Variants in LIN7A observed in about 807,000 individuals in gnomAD.
LIN7A encodes the protein lin-7 cell polarity scaffold A.
Under a neutral mutation model 29.8 loss-of-function variants are expected in LIN7A, and 25 were observed. That is an observed-to-expected ratio of 0.84 (90% CI 0.61 to 1.17). LIN7A has a LOEUF of 1.17. LIN7A is among the 50% of genes most tolerant of loss of function. The pLI, the probability that LIN7A is intolerant of heterozygous loss-of-function variation, is 0.00. For missense variants in LIN7A, 239 were observed against 287.0 expected (o/e 0.83, Z 1.21); for synonymous variants, 118 against 107.5 (o/e 1.10, Z -0.60).
intron 2 of LIN7A, among the ~76,000 whole-genome samples, chr12:80,864,502 TTGTTGGAAAATCC>T (rs1379327185): frequency 1.3e-5 from 2 of 152,172 alleles, no homozygotes; most frequent in Admixed American, 6.5e-5. Flanking sequence ...ATTAGGAACA[TTGTTGGAAAATCC>T]CTGCAAAGAG....
intron 4 of LIN7A, among the ~76,000 whole-genome samples, chr12:80,823,742 A>G (rs1025458273): frequency 2.0e-5 from 3 of 152,266 alleles, no homozygotes; most frequent in African/African-American, 7.2e-5. Flanking sequence ...ATTCTGTGAC[A>G]CATGGAAATT....
chr12:80,923,604 T>C (rs1208726833), intron 1 of LIN7A, among the ~76,000 whole-genome samples: 1 of 152,074 alleles, frequency 6.6e-6, no homozygotes, highest in Non-Finnish European at 1.5e-5. Context: ...GTAAGCATTG[T>C]ACAAAGTTCC....
intron 2 of LIN7A, among the ~76,000 whole-genome samples, chr12:80,866,036 T>A (rs552376507): frequency 1.3e-5 from 2 of 152,160 alleles, no homozygotes; most frequent in Non-Finnish European, 2.9e-5. Context: ...GTGCATGTGT[T>A]GTGTGCAGGT....
intron 1 of LIN7A, among the ~76,000 whole-genome samples, chr12:80,905,388 A>G (rs770845445): frequency 3.3e-5 from 5 of 152,138 alleles, no homozygotes; most frequent in Non-Finnish European, 5.9e-5. Flanking sequence ...GTCAGAGAAA[A>G]TTACCAGTGT....
At chr12:80,927,327 A>G (rs1159620133) in intron 1 of LIN7A, among the ~76,000 whole-genome samples, 1 of 151,710 alleles carries the variant, frequency 6.6e-6, no homozygotes, top group Non-Finnish European at 1.5e-5. Flanking sequence ...GCGCCCAGCT[A>G]ATTTTTTGTA....
At chr12:80,880,259 C>T (rs1180175057) in intron 2 of LIN7A, among the ~76,000 whole-genome samples, 1 of 152,142 alleles carries the variant, frequency 6.6e-6, no homozygotes, top group Non-Finnish European at 1.5e-5. Flanking sequence ...AGACTAGCCT[C>T]ATTTTTTTTT....
At chr12:80,871,464 T>C (rs893235153) in intron 2 of LIN7A, among the ~76,000 whole-genome samples, 8 of 152,124 alleles carry the variant, frequency 5.3e-5, no homozygotes, top group Non-Finnish European at 5.9e-5. Context: ...TCCAATTAAA[T>C]AGTTTTATAT....
chr12:80,835,058 C>T (rs1872544374), intron 4 of LIN7A, among the ~76,000 whole-genome samples: 3 of 152,090 alleles, frequency 2.0e-5, no homozygotes, highest in Admixed American at 6.6e-5. Flanking sequence ...ATAAATGATG[C>T]TTTTTTGGAC....
chr12:80,793,177 T>C lies in LIN7A; in HGVS notation c.*4550A>G, dbSNP rs528992035. On this transcript the variant is annotated 3_prime_UTR_variant, in exon 6 of 6. Coordinates refer to ENST00000552864, the MANE Select transcript of LIN7A (RefSeq NM_004664.4). ...GTGACCTTGGACAAGTCACATAATA[T>C]ATCTGTGCTTCAGTTTTTGTATCTA... 5.9e-5 allele frequency: 9 copies of C among 152,284 alleles called. No individual in the cohort carries two copies. Among genetic ancestry groups the C allele is most frequent in the South Asian group, 4.1e-4 (2 of 4,832 alleles). The allele number at this position is 152,284 out of a possible 1,614,324, so 9.4% of individuals were successfully genotyped here.
chr12:80,911,724 T>C (rs2120806013), intron 1 of LIN7A, among the ~76,000 whole-genome samples: 1 of 152,348 alleles, frequency 6.6e-6, no homozygotes, highest in Non-Finnish European at 1.5e-5. Flanking sequence ...AATAGCTTGG[T>C]ATTCTTCCAT....
At chr12:80,925,309 T>G (rs991806270) in intron 1 of LIN7A, among the ~76,000 whole-genome samples, 1 of 152,210 alleles carries the variant, frequency 6.6e-6, no homozygotes, top group Non-Finnish European at 1.5e-5. Context: ...GCAAATTAGG[T>G]GAGTATACAG....
intron 1 of LIN7A, among the ~76,000 whole-genome samples, chr12:80,922,730 A>C (rs907918025): frequency 6.6e-6 from 1 of 152,192 alleles, no homozygotes; most frequent in African/African-American, 2.4e-5. Flanking sequence ...ATCTCTGTCC[A>C]AAAATATTAA....
At chr12:80,836,731 T>C (rs1872603685) in intron 4 of LIN7A, among the ~76,000 whole-genome samples, 1 of 152,164 alleles carries the variant, frequency 6.6e-6, no homozygotes, top group Non-Finnish European at 1.5e-5. Flanking sequence ...GGCTCCTTGT[T>C]TTCTTCTTTC....
chr12:80,900,634 T>A (rs1322385417), intron 1 of LIN7A, among the ~76,000 whole-genome samples: 1 of 152,202 alleles, frequency 6.6e-6, no homozygotes, highest in Non-Finnish European at 1.5e-5. Flanking sequence ...GTGGTTGATA[T>A]GATGTTGGTT....
intron 4 of LIN7A, chr12:80,841,935 T>C: frequency 4.7e-6 from 5 of 1,065,542 alleles, no homozygotes; most frequent in Non-Finnish European, 4.6e-6. Context: ...AAGGTTTCAC[T>C]GAGGATTGAT....
At chr12:80,832,054 A>G (rs1220240564) in intron 4 of LIN7A, among the ~76,000 whole-genome samples, 1 of 152,226 alleles carries the variant, frequency 6.6e-6, no homozygotes, top group Non-Finnish European at 1.5e-5. Flanking sequence ...GAGTGGTCAA[A>G]TAGATATTGT....
At chr12:80,847,346 C>A (rs560575961) in intron 3 of LIN7A, among the ~76,000 whole-genome samples, 1 of 152,082 alleles carries the variant, frequency 6.6e-6, no homozygotes, top group Non-Finnish European at 1.5e-5. Flanking sequence ...TAATAACACC[C>A]TCTTTTTTTC....
intron 2 of LIN7A, among the ~76,000 whole-genome samples, chr12:80,866,224 A>G (rs1874128876): frequency 6.6e-6 from 1 of 152,230 alleles, no homozygotes; most frequent in South Asian, 2.1e-4. Context: ...CAGGATATTT[A>G]ATGGATACAA....
chr12:80,823,190 C>T (rs1871896664), intron 4 of LIN7A, among the ~76,000 whole-genome samples: 1 of 152,162 alleles, frequency 6.6e-6, no homozygotes, highest in South Asian at 2.1e-4. Context: ...TGGGACCTGC[C>T]AAATGGCAGG....
Sources: allele counts gnomAD v4.1 joint callset (sites outside exome capture counted in the v4.1 genomes callset), GRCh38; gene constraint gnomAD v4.1.1; transcripts MANE v1.5; gene names NCBI Gene and HGNC (gene_info 2026-07-23, HGNC 2026-07-21).